The following GATA3 variants were observed in gnomAD, a reference collection of about 807,000 sequenced individuals.
The protein encoded by GATA3 is trans-acting T-cell-specific transcription factor GATA-3.
In GATA3, 6 loss-of-function variants were observed where a neutral mutation model predicts 36.0. That is an observed-to-expected ratio of 0.17 (90% CI 0.09 to 0.33). The LOEUF (loss-of-function observed/expected upper bound fraction) is 0.33. GATA3 is among the 10% of genes least tolerant of loss of function. GATA3 has a pLI of 1.00. For synonymous variants in GATA3, 326 were observed against 273.0 expected (o/e 1.19, Z -1.92); for missense variants, 514 against 610.1 (o/e 0.84, Z 1.66).
upstream of GATA3, among the ~76,000 whole-genome samples, chr10:8,052,083 G>T (rs1315212628): frequency 6.6e-6 from 1 of 152,174 alleles, no homozygotes; most frequent in Non-Finnish European, 1.5e-5. Flanking sequence ...AAAGAGCAAC[G>T]TCCTCTCTCC....
chr10:8,055,540 T>G lies in GATA3; in HGVS notation c.-116T>G, dbSNP rs76250826. The G allele has an allele frequency of 3.5e-6, 4 of 1,141,578 alleles. No homozygotes were observed. Among genetic ancestry groups the G allele is most frequent in the Non-Finnish European group, 2.4e-6 (2 of 817,826 alleles). The allele number at this position is 1,141,578 out of a possible 1,614,324, so 70.7% of individuals were successfully genotyped here. A position where few individuals can be genotyped will look rare whatever the true frequency, so the allele number is the denominator to read the frequency against. On this transcript the variant is annotated 5_prime_UTR_variant, in exon 2 of 6. Transcript: ENST00000379328. This position sits in a 1 kb window ranked among gnomAD's most constrained non-coding sequence, Gnocchi z 5.4. The stretch of plus-strand genomic sequence containing the variant: ...CCATCCCCCCACCGAAAGCAAATCA[T>G]TCAACGACCCCCGACCCTCCGACGG...
intron 5 of GATA3, among the ~76,000 whole-genome samples, chr10:8,071,849 C>G (rs949626875): frequency 1.3e-5 from 2 of 152,250 alleles, no homozygotes; most frequent in South Asian, 4.2e-4. Flanking sequence ...GTATCAGCAT[C>G]TCTCAGTGGT....
chr10:8,050,928 G>C, upstream of GATA3: 1 of 467,698 alleles, frequency 2.1e-6, no homozygotes, highest in Non-Finnish European at 4.4e-6. Flanking sequence ...GCGGGCGCCC[G>C]GGGCCGCTTC....
rs1564399211 is a variant in GATA3 at position 8,058,729 on chromosome 10, C to A, written c.666C>A (p.Tyr222Ter). 6.2e-7 allele frequency: 1 copy of A among 1,612,568 alleles called. No individual in the cohort carries two copies. Residue 222 changes from tyrosine (Y) to a stop codon, truncating the protein, a stop_gained, in exon 3 of 6, where the codon TAC (tyrosine) becomes TAA (stop). Coordinates refer to ENST00000379328, the MANE Select transcript of GATA3 (RefSeq NM_001002295.2). LOFTEE classifies it high-confidence loss of function. ...CGACCCACCACCCCATCACCACCTA[C>A]CCGCCCTACGTGCCCGAGTACAGCT... ...SSSTHHPITT[Y>*]PPYVPEYSSG... is the part of the protein sequence containing the mutation.
In GATA3 at chr10:8,066,190, C is replaced by T. The variant is rs1433555942; in HGVS notation, c.924+2052C>T. Among the ~76,000 whole-genome samples the T allele has an allele frequency of 2.6e-5, 4 of 151,936 alleles. No individual in the cohort carries two copies. The East Asian group carries it at 5.8e-4, about 22-fold the overall frequency. On this transcript the variant is annotated intron_variant, in intron 4 of 5. Transcript: ENST00000379328. ...ATTTTCTTGGGTCTTCTTCCTCTGT[C>T]TGGTCAGATTGCAGAGGAGGATCGT...
upstream of GATA3, among the ~76,000 whole-genome samples, chr10:8,048,785 A>G (rs904623283): frequency 1.3e-5 from 2 of 152,194 alleles, no homozygotes; most frequent in South Asian, 4.1e-4. Context: ...TAAACCCGAA[A>G]GCAGAAATCC....
At chr10:8,063,110 G>A (rs1296381270) in intron 3 of GATA3, among the ~76,000 whole-genome samples, 1 of 152,190 alleles carries the variant, frequency 6.6e-6, no homozygotes, top group Non-Finnish European at 1.5e-5. Context: ...TGGGAAAAGA[G>A]AAACTGTAGG....
intron 4 of GATA3, among the ~76,000 whole-genome samples, chr10:8,067,911 C>A (rs935534416): frequency 7.9e-5 from 12 of 152,320 alleles, no homozygotes; most frequent in Admixed American, 7.8e-4. Flanking sequence ...GTTCTTATAA[C>A]CATACCAGAA....
At chr10:8,061,364 C>T (rs560366732) in intron 3 of GATA3, among the ~76,000 whole-genome samples, 1 of 152,302 alleles carries the variant, frequency 6.6e-6, no homozygotes, top group Non-Finnish European at 1.5e-5. Flanking sequence ...CTGCTCCCTA[C>T]CCCCTCCCAC....
rs1257130497 is a variant in GATA3, at chr10:8,064,947, T to C, written c.924+809T>C. On this transcript the variant is annotated intron_variant, in intron 4 of 5. Transcript: ENST00000379328. The stretch of plus-strand genomic sequence containing the variant: ...AAGCATTTATAAGGAAGACAACTTA[T>C]AGGGGACATTCATTTGCAAGCTCCT... Among the ~76,000 whole-genome samples the C allele has an allele frequency of 3.3e-5, 5 of 151,600 alleles. No individual in the cohort carries two copies. In the East Asian group the frequency reaches 5.8e-4, roughly 18 times the overall value.
upstream of GATA3, among the ~76,000 whole-genome samples, chr10:8,049,266 G>T (rs1832432050): frequency 6.6e-6 from 1 of 152,188 alleles, no homozygotes; most frequent in East Asian, 1.9e-4. Context: ...CCCCTTGGAC[G>T]CACCCGCCTC....
chr10:8,047,579 G>C (rs1832407628), intron 1 of GATA3, among the ~76,000 whole-genome samples: 1 of 152,216 alleles, frequency 6.6e-6, no homozygotes, highest in Non-Finnish European at 1.5e-5. Context: ...TCCCCCTTTT[G>C]CTTTGGCTGC....
upstream of GATA3, among the ~76,000 whole-genome samples, chr10:8,049,547 C>G (rs1217556296): frequency 6.6e-6 from 1 of 152,154 alleles, no homozygotes; most frequent in East Asian, 1.9e-4. Flanking sequence ...GGCGCCCTGC[C>G]GCAGCGGGCT....
Position 8,058,298 on chromosome 10 carries a change from C to T in GATA3, c.242-7C>T, listed in dbSNP as rs759134166. 1.2e-6 allele frequency: 2 copies of T among 1,613,446 alleles called. No individual in the cohort carries two copies. The highest frequency in any genetic ancestry group is 1.7e-5 in the Admixed American group (1 of 60,006). On this transcript the variant is annotated splice_polypyrimidine_tract_variant and splice_region_variant and intron_variant, in intron 2 of 5. Coordinates refer to ENST00000379328, the MANE Select transcript of GATA3 (RefSeq NM_001002295.2). ...CTCTCTCCTGCCCTTTCCCCGTTGC[C>T]CCACAGGGAGCCAGGTGTGCCGCCC...
At chr10:8,061,936 G>C (rs999734970) in intron 3 of GATA3, among the ~76,000 whole-genome samples, 3 of 152,258 alleles carry the variant, frequency 2.0e-5, no homozygotes, top group Admixed American at 1.3e-4. Flanking sequence ...GGGGTCCCCT[G>C]TCTGGGCAGG....
At chr10:8,050,820 G>A (rs746183784), upstream of GATA3, 4 of 397,116 alleles carry the variant, frequency 1.0e-5, no homozygotes, top group Non-Finnish European at 2.0e-5. Context: ...ACCGCCCCGG[G>A]CGGCCCGAGG....
Position 8,055,539 on chromosome 10 carries a change from A to C in GATA3, c.-117A>C. 1 of 1,118,000 alleles carries C rather than the reference A, an allele frequency of 8.9e-7. No homozygotes were observed. Among genetic ancestry groups the C allele is most frequent in the Non-Finnish European group, 1.2e-6 (1 of 802,712 alleles). The allele number at this position is 1,118,000 out of a possible 1,614,324, so 69.3% of individuals were successfully genotyped here. A position where few individuals can be genotyped will look rare whatever the true frequency, so the allele number is the denominator to read the frequency against. On this transcript the variant is annotated 5_prime_UTR_variant, in exon 2 of 6. Transcript: ENST00000379328. This position sits in a 1 kb window ranked among gnomAD's most constrained non-coding sequence, Gnocchi z 5.4. ...CCCATCCCCCCACCGAAAGCAAATC[A>C]TTCAACGACCCCCGACCCTCCGACG...
chr10:8,053,606 G>T (rs1242679061), upstream of GATA3: 2 of 152,282 alleles, frequency 1.3e-5, no homozygotes, highest in African/African-American at 4.8e-5. This position sits in a 1 kb window ranked among gnomAD's most constrained non-coding sequence, Gnocchi z 5.1. Context: ...CTCTCGCTGG[G>T]GCGCCTCGGA....
chr10:8,051,190 G>C (rs1295509396), upstream of GATA3: 2 of 468,690 alleles, frequency 4.3e-6, no homozygotes, highest in East Asian at 6.4e-5. Flanking sequence ...CATGTGTTTG[G>C]GGGTGTGTGT....
Sources: allele counts gnomAD v4.1 joint callset (sites outside exome capture counted in the v4.1 genomes callset), GRCh38; gene constraint gnomAD v4.1.1; non-coding constraint Gnocchi (gnomAD v3.1); transcripts MANE v1.5; gene names NCBI Gene and HGNC (gene_info 2026-07-23, HGNC 2026-07-21).